The following SCAPER variants were observed in gnomAD, a reference collection of about 807,000 sequenced individuals.
SCAPER encodes S-phase cyclin A associated protein in the ER.
Under a neutral mutation model 182.2 loss-of-function variants are expected in SCAPER, and 98 were observed. The observed-to-expected ratio is 0.54, with a 90% CI of 0.46 to 0.64. SCAPER has a LOEUF of 0.64. Ranked by LOEUF, SCAPER falls within the 30% of genes least tolerant of loss-of-function variation. The pLI is 0.00. For synonymous variants in SCAPER, 605 were observed against 564.6 expected (o/e 1.07, Z -1.01); for missense variants, 1,432 against 1,690.0 (o/e 0.85, Z 2.68).
At chr15:76,504,051 T>C (rs2041372986) in intron 24 of SCAPER, among the ~76,000 whole-genome samples, 1 of 152,054 alleles carries the variant, frequency 6.6e-6, no homozygotes, top group African/African-American at 2.4e-5. Context: ...TATGCCTGGC[T>C]AAATTTGTTA....
intron 29 of SCAPER, among the ~76,000 whole-genome samples, chr15:76,371,786 C>A (rs942066386): frequency 1.3e-5 from 2 of 151,862 alleles, no homozygotes; most frequent in Non-Finnish European, 2.9e-5. Context: ...GGCGTGGTGG[C>A]GCATGCCTGT....
At chr15:76,776,620 C>G (rs768123888) in intron 8 of SCAPER, among the ~76,000 whole-genome samples, 3 of 152,094 alleles carry the variant, frequency 2.0e-5, no homozygotes, top group Non-Finnish European at 4.4e-5. Context: ...TTTCCTTTTC[C>G]TTATGTCAGC....
At chr15:76,736,900 T>G (rs1314716970) in intron 15 of SCAPER, 2 of 158,336 alleles carry the variant, frequency 1.3e-5, no homozygotes, top group Non-Finnish European at 2.8e-5. Context: ...TTTATTTAAT[T>G]TTTGTCATAA....
chr15:76,426,543 A>C (rs1567115669), intron 26 of SCAPER, among the ~76,000 whole-genome samples: 1 of 151,774 alleles, frequency 6.6e-6, no homozygotes, highest in African/African-American at 2.4e-5. Flanking sequence ...CTGCCCGAGA[A>C]TTTTTTTTTA....
Position 76,369,637 on chromosome 15 carries a change from C to A in SCAPER, c.3855+6525G>T, listed in dbSNP as rs1285707349. Among the ~76,000 whole-genome samples the A allele has an allele frequency of 2.0e-5, 3 of 152,200 alleles. No individual in the cohort carries two copies. In the South Asian group the frequency reaches 6.2e-4, roughly 31 times the overall value. ...AGTGCTGAAAACTAAACTTACCACA[C>A]CCTCTTAGCAAATGCTCGCTTAGCA... On this transcript the variant is annotated intron_variant, in intron 29 of 31. Coordinates refer to ENST00000563290, the MANE Select transcript of SCAPER (RefSeq NM_020843.4).
intron 21 of SCAPER, among the ~76,000 whole-genome samples, chr15:76,650,852 A>C (rs1486530395): frequency 6.6e-6 from 1 of 152,132 alleles, no homozygotes; most frequent in African/African-American, 2.4e-5. Flanking sequence ...TTAAATCAAC[A>C]CTTAAAGACA....
At chr15:76,455,938 TA>T (rs1300929000) in intron 25 of SCAPER, among the ~76,000 whole-genome samples, 1 of 152,184 alleles carries the variant, frequency 6.6e-6, no homozygotes, top group Non-Finnish European at 1.5e-5. Context: ...GGTTTTCTCT[TA>T]CTTTGCTGAA....
At chr15:76,894,898 C>A (rs2074347945) in intron 1 of SCAPER, among the ~76,000 whole-genome samples, 2 of 152,020 alleles carry the variant, frequency 1.3e-5, no homozygotes, top group Non-Finnish European at 2.9e-5. Flanking sequence ...TAATAAAAAA[C>A]TCACAAAAGA....
intron 1 of SCAPER, among the ~76,000 whole-genome samples, chr15:76,904,107 T>A (rs2074941295): frequency 6.6e-6 from 1 of 152,146 alleles, no homozygotes; most frequent in Admixed American, 6.5e-5. Context: ...AAGTCATAGT[T>A]AACAGAAATA....
chr15:76,634,665 G>A (rs1267302300), intron 21 of SCAPER, among the ~76,000 whole-genome samples: 1 of 151,996 alleles, frequency 6.6e-6, no homozygotes, highest in African/African-American at 2.4e-5. Context: ...CACCACTCTG[G>A]TTAAATGTAT....
At chr15:76,825,048 T>C (rs2067883760) in intron 5 of SCAPER, among the ~76,000 whole-genome samples, 2 of 152,214 alleles carry the variant, frequency 1.3e-5, no homozygotes, top group African/African-American at 4.8e-5. Context: ...AATGCTAAGT[T>C]ATAAAGCTCA....
Position 76,766,992 on chromosome 15 carries a change from GTTC to G in SCAPER, c.1342_1344del (p.Glu448del). ...TCAGCTTCAATTTCTCTAGTTAACT[GTTC>G]TTCTTCAGCAATAGCACTAGCAATG... On this transcript the variant is annotated inframe_deletion, in exon 11 of 32. Coordinates refer to ENST00000563290, the MANE Select transcript of SCAPER (RefSeq NM_020843.4). 1.9e-6 allele frequency: 3 copies of G among 1,608,266 alleles called. No individual in the cohort carries two copies. The highest frequency in any genetic ancestry group is 2.5e-6 in the Non-Finnish European group (3 of 1,176,874).
chr15:76,696,182 C>T (rs1598215811), intron 20 of SCAPER, among the ~76,000 whole-genome samples: 1 of 152,198 alleles, frequency 6.6e-6, no homozygotes, highest in Non-Finnish European at 1.5e-5. Flanking sequence ...TTCTGGCAAA[C>T]ATCTTGCCAC....
chr15:76,613,939 G>A (rs534228558), intron 22 of SCAPER, among the ~76,000 whole-genome samples: 2 of 151,762 alleles, frequency 1.3e-5, no homozygotes, highest in Non-Finnish European at 3.0e-5. Flanking sequence ...AAAGATACAT[G>A]CACACACATA....
chr15:76,752,620 C>T (rs1163402857), intron 15 of SCAPER, among the ~76,000 whole-genome samples: 1 of 151,658 alleles, frequency 6.6e-6, no homozygotes, highest in Non-Finnish European at 1.5e-5. Flanking sequence ...AAGCCAGTCA[C>T]AAAAGGATAA....
chr15:76,696,588 A>G (rs2058666629), intron 20 of SCAPER, among the ~76,000 whole-genome samples: 1 of 132,158 alleles, frequency 7.6e-6, no homozygotes, highest in South Asian at 2.3e-4. Flanking sequence ...TTTAAAATGG[A>G]AAAAAAACCT....
At chr15:76,352,244 C>T (rs2040604839) in intron 30 of SCAPER, among the ~76,000 whole-genome samples, 1 of 151,994 alleles carries the variant, frequency 6.6e-6, no homozygotes, top group African/African-American at 2.4e-5. Flanking sequence ...TGCCATAGCA[C>T]TTAGCATAGT....
At chr15:76,609,517 CCCA>C (rs1181247482) in intron 22 of SCAPER, among the ~76,000 whole-genome samples, 3 of 152,076 alleles carry the variant, frequency 2.0e-5, no homozygotes, top group Non-Finnish European at 2.9e-5. Context: ...AAAATTATCT[CCCA>C]GCTTATATTA....
intron 7 of SCAPER, among the ~76,000 whole-genome samples, chr15:76,798,584 A>C (rs1296103271): frequency 1.3e-5 from 2 of 152,110 alleles, no homozygotes; most frequent in Admixed American, 1.3e-4. Context: ...CAAGTATGAT[A>C]ATCTCAGAGA....
Sources: gnomAD v4.1 joint callset for allele counts (sites outside exome capture counted in the v4.1 genomes callset) on GRCh38, gnomAD v4.1.1 for gene constraint, MANE v1.5 for transcripts, NCBI Gene and HGNC (gene_info 2026-07-23, HGNC 2026-07-21) for gene names.